Variants in PTPRG observed in about 807,000 individuals in gnomAD.
PTPRG encodes protein tyrosine phosphatase receptor type G, also known as receptor-type tyrosine-protein phosphatase gamma.
PTPRG carries 102 observed loss-of-function variants against 165.3 expected under a neutral mutation model. That is an observed-to-expected ratio of 0.62 (90% CI 0.53 to 0.73). PTPRG has a LOEUF of 0.73. PTPRG is among the 30% of genes least tolerant of loss of function. The probability of loss-of-function intolerance (pLI) is 0.00; values close to 1 mark genes in which losing one functional copy is unlikely to be tolerated. For synonymous variants in PTPRG, 675 were observed against 669.5 expected (o/e 1.01, Z -0.13); for missense variants, 1,866 against 1,861.4 (o/e 1.00, Z -0.05).
At position 61,867,924 on chromosome 3, in the gene PTPRG, G is replaced by T. The variant is rs1026872843; in HGVS notation, c.190+118942G>T. On this transcript the variant is annotated intron_variant, in intron 2 of 29. Transcript: ENST00000474889. ...TGCAGTGGTCTTTCTTCCACAGGGA[G>T]TCTGAGACCTTGGTCTGCTTACCTT... Among the ~76,000 whole-genome samples, 3 of 152,172 alleles carry T rather than the reference G, an allele frequency of 2.0e-5. No individual in the cohort carries two copies. The South Asian group carries it at 6.2e-4, about 32-fold the overall frequency.
intron 2 of PTPRG, among the ~76,000 whole-genome samples, chr3:61,878,314 A>G (rs1042802665): frequency 1.3e-5 from 2 of 152,190 alleles, no homozygotes; most frequent in African/African-American, 2.4e-5. Flanking sequence ...AAGGATTTAT[A>G]TGAGCTGGTA....
intron 6 of PTPRG, among the ~76,000 whole-genome samples, chr3:62,147,608 T>G (rs1017316856): frequency 1.3e-5 from 2 of 152,216 alleles, no homozygotes; most frequent in African/African-American, 4.8e-5. Flanking sequence ...ATCTCACGAT[T>G]GATGTTGACT....
At chr3:61,830,821 G>A (rs1191425581) in intron 2 of PTPRG, among the ~76,000 whole-genome samples, 2 of 152,160 alleles carry the variant, frequency 1.3e-5, no homozygotes, top group African/African-American at 4.8e-5. Context: ...TGATCCACCT[G>A]CCTCGGCCTT....
Position 61,688,003 on chromosome 3 carries a change from C to T in PTPRG, c.86-60875C>T, listed in dbSNP as rs563634512. Among the ~76,000 whole-genome samples, 32 of 152,244 alleles carry T rather than the reference C, an allele frequency of 2.1e-4. No individual in the cohort carries two copies. The South Asian group carries it at 6.6e-3, about 32-fold the overall frequency. ...CTTTTCCAAGTTTCTTAGCAAAATT[C>T]GATAATTACTTGATTTGGAGATGTC... On this transcript the variant is annotated intron_variant, in intron 1 of 29. Coordinates refer to ENST00000474889, the MANE Select transcript of PTPRG (RefSeq NM_002841.4).
At position 62,203,825 on chromosome 3, in the gene PTPRG, C is replaced by T. The variant is rs377217452; in HGVS notation, c.2030C>T (p.Pro677Leu). 1.1e-4 allele frequency: 178 copies of T among 1,614,088 alleles called. 2 individuals carry two copies. The South Asian group carries it at 1.9e-3, about 17-fold the overall frequency. ...GACATGGTCACCTCCACCCAAGTGC[C>T]CCCCACCGCCACAGAGGAGCAGTAT... ...DPDMVTSTQV[P>L]PTATEEQYAG... is the part of the protein sequence containing the mutation. The change falls in exon 12 of 30, where the codon CCC becomes CTC. Residue 677 changes from proline (P) to leucine (L), a missense_variant. Pro to Leu is a moderately conservative substitution (Grantham distance 98). Coordinates refer to ENST00000474889, the MANE Select transcript of PTPRG (RefSeq NM_002841.4). The surrounding 1 kb of genome is among the most constrained non-coding windows in gnomAD (Gnocchi z 6.4).
intron 12 of PTPRG, among the ~76,000 whole-genome samples, chr3:62,204,906 G>C (rs1464980409): frequency 6.6e-6 from 1 of 152,026 alleles, no homozygotes; most frequent in Non-Finnish European, 1.5e-5. Context: ...TGTTATTGTT[G>C]TGAGGGCTTT....
chr3:62,173,889 G>C (rs1705316525), intron 8 of PTPRG, among the ~76,000 whole-genome samples: 1 of 152,130 alleles, frequency 6.6e-6, no homozygotes, highest in South Asian at 2.1e-4. Flanking sequence ...CAAGAGGCAG[G>C]GCCCCTTAAG....
intron 4 of PTPRG, among the ~76,000 whole-genome samples, chr3:62,063,580 T>C (rs974387785): frequency 1.3e-5 from 2 of 152,330 alleles, no homozygotes; most frequent in Non-Finnish European, 1.5e-5. Context: ...ATTATTAGTC[T>C]AAATAAATAC....
chr3:61,911,598 C>T (rs2038806044), intron 2 of PTPRG, among the ~76,000 whole-genome samples: 1 of 152,048 alleles, frequency 6.6e-6, no homozygotes, highest in Admixed American at 6.6e-5. Flanking sequence ...ATGTCATTAC[C>T]TTAAATGTCA....
chr3:61,569,762 G>A (rs531450205), intron 1 of PTPRG, among the ~76,000 whole-genome samples: 1 of 152,348 alleles, frequency 6.6e-6, no homozygotes, highest in East Asian at 1.9e-4. Context: ...TGTCTTTGCT[G>A]TTGAGGGTGA....
rs542306888 is a variant in PTPRG at position 62,069,684 on chromosome 3, T to TCTCTCTCACACA, written c.520-8478_520-8477insTCTCTCACACAC. ...CTCTCTCTCTCTCTCTCTCTCTCTC[T>TCTCTCTCACACA]CACACACAGACACACGCACACACAC... On this transcript the variant is annotated intron_variant, in intron 4 of 29. Transcript: ENST00000474889. 3.5e-3 allele frequency among the ~76,000 whole-genome samples: 513 copies of TCTCTCTCACACA among 144,706 alleles called. 6 individuals are homozygous for TCTCTCTCACACA. Among genetic ancestry groups the TCTCTCTCACACA allele is most frequent in the East Asian group, 0.027 (120 of 4,440 alleles). The allele number at this position is 144,706 out of a possible 152,430, so 94.9% of individuals were successfully genotyped here. A position where few individuals can be genotyped will look rare whatever the true frequency, so the allele number is the denominator to read the frequency against.
rs548234551 is a variant in PTPRG, at chr3:61,734,570, T to A, written c.86-14308T>A. ...TTTGGCACCCGGTTGTCCCAATTTG[T>A]TCCAGAGTATTTTACTGCATATGCG... On this transcript the variant is annotated intron_variant, in intron 1 of 29. Transcript: ENST00000474889. Among the ~76,000 whole-genome samples the A allele has an allele frequency of 1.1e-4, 16 of 152,354 alleles. 1 individual carries two copies. The South Asian group carries it at 3.1e-3, about 30-fold the overall frequency.
intron 5 of PTPRG, among the ~76,000 whole-genome samples, chr3:62,123,797 G>A (rs1453617365): frequency 2.0e-5 from 3 of 152,000 alleles, no homozygotes; most frequent in Non-Finnish European, 4.4e-5. Flanking sequence ...TGTCAAAAAG[G>A]TAATTTCTGA....
rs148886550 is a variant in PTPRG, at chr3:61,986,027, A to G, written c.191-3598A>G. 9.0e-4 allele frequency among the ~76,000 whole-genome samples: 137 copies of G among 152,242 alleles called. 2 individuals are homozygous for G. Among genetic ancestry groups the G allele is most frequent in the African/African-American group, 3.0e-3 (125 of 41,484 alleles). ...TCTGGAGACCAAGGGAGTGAGGAATACTTAGCAAGAAGTCAGTAGATAGAT... is the reference window on the plus strand; with the variant it reads ...TCTGGAGACCAAGGGAGTGAGGAATGCTTAGCAAGAAGTCAGTAGATAGAT... On this transcript the variant is annotated intron_variant, in intron 2 of 29. Coordinates refer to ENST00000474889, the MANE Select transcript of PTPRG (RefSeq NM_002841.4).
chr3:61,653,175 G>GT (rs200892654), intron 1 of PTPRG, among the ~76,000 whole-genome samples: 25 of 149,846 alleles, frequency 1.7e-4, no homozygotes, highest in Middle Eastern at 3.5e-3. Context: ...CATCCTGATA[G>GT]TTTTTTTTTT....
chr3:61,639,293 C>A (rs1457579451), intron 1 of PTPRG, among the ~76,000 whole-genome samples: 1 of 152,156 alleles, frequency 6.6e-6, no homozygotes, highest in Non-Finnish European at 1.5e-5. Context: ...TAGTACCATG[C>A]TGTTTTCGTC....
At chr3:61,568,400 G>A (rs1699974674) in intron 1 of PTPRG, among the ~76,000 whole-genome samples, 1 of 152,026 alleles carries the variant, frequency 6.6e-6, no homozygotes, top group Non-Finnish European at 1.5e-5. Flanking sequence ...ATAAGTGATG[G>A]CTGTGCAAGA....
intron 1 of PTPRG, among the ~76,000 whole-genome samples, chr3:61,696,760 G>T (rs889119648): frequency 6.6e-6 from 1 of 152,210 alleles, no homozygotes; most frequent in Non-Finnish European, 1.5e-5. Context: ...GCTTTAGCCA[G>T]TGTAGGGTAG....
intron 3 of PTPRG, among the ~76,000 whole-genome samples, chr3:61,992,492 T>A (rs1392347411): frequency 6.6e-6 from 1 of 152,148 alleles, no homozygotes; most frequent in African/African-American, 2.4e-5. Flanking sequence ...CCTGAGTAAC[T>A]GGGATTACAG....
Sources: allele counts gnomAD v4.1 joint callset (sites outside exome capture counted in the v4.1 genomes callset), GRCh38; gene constraint gnomAD v4.1.1; non-coding constraint Gnocchi (gnomAD v3.1); transcripts MANE v1.5; gene names NCBI Gene and HGNC (gene_info 2026-07-23, HGNC 2026-07-21).